Variants in VAV3 observed in about 807,000 individuals in gnomAD.
The protein encoded by VAV3 is vav guanine nucleotide exchange factor 3, also known as guanine nucleotide exchange factor VAV3.
VAV3 carries 94 observed loss-of-function variants against 131.2 expected under a neutral mutation model. The observed-to-expected ratio is 0.72, with a 90% CI of 0.61 to 0.85. VAV3 has a LOEUF of 0.85. Ranked by LOEUF, VAV3 falls within the 40% of genes least tolerant of loss-of-function variation. The pLI, the probability that VAV3 is intolerant of heterozygous loss-of-function variation, is 0.00. For synonymous variants in VAV3, 349 were observed against 342.0 expected, an observed-to-expected ratio of 1.02 and a Z score of -0.22; for missense variants, 939 against 1,002.7, an observed-to-expected ratio of 0.94 and a Z score of 0.86.
At chr1:107,660,925 C>G (rs1489039662) in intron 19 of VAV3, among the ~76,000 whole-genome samples, 1 of 151,902 alleles carries the variant, frequency 6.6e-6, no homozygotes, top group Non-Finnish European at 1.5e-5. Flanking sequence ...AGGGAAGGCA[C>G]AATGTTCAAA....
intron 4 of VAV3, among the ~76,000 whole-genome samples, chr1:107,773,961 C>A (rs1283866930): frequency 1.3e-5 from 2 of 152,128 alleles, no homozygotes; most frequent in Admixed American, 1.3e-4. Flanking sequence ...CCTAACATCA[C>A]CACCCCTGCA....
chr1:107,733,718 C>T (rs767795740), intron 15 of VAV3, among the ~76,000 whole-genome samples: 18 of 152,050 alleles, frequency 1.2e-4, no homozygotes, highest in Admixed American at 3.3e-4. Context: ...ACAAACAAAG[C>T]CTCCAAGAAA....
At chr1:107,641,463 C>T (rs1396928869) in intron 20 of VAV3, among the ~76,000 whole-genome samples, 2 of 152,096 alleles carry the variant, frequency 1.3e-5, no homozygotes, top group Admixed American at 6.6e-5. Context: ...ATATTTCTAA[C>T]ATACACATGA....
At chr1:107,872,325 A>G (rs976816956) in intron 2 of VAV3, among the ~76,000 whole-genome samples, 4 of 152,218 alleles carry the variant, frequency 2.6e-5, no homozygotes, top group African/African-American at 7.2e-5. Context: ...AGGTGCTGCT[A>G]TCATAATTAA....
chr1:107,600,414 TC>T (rs1434657772), intron 24 of VAV3, among the ~76,000 whole-genome samples: 1 of 152,236 alleles, frequency 6.6e-6, no homozygotes, highest in Non-Finnish European at 1.5e-5. Context: ...TTGCTAAAAT[TC>T]TTAGTCCCTT....
intron 2 of VAV3, among the ~76,000 whole-genome samples, chr1:107,849,462 A>G (rs1272505268): frequency 6.6e-6 from 1 of 152,044 alleles, no homozygotes; most frequent in Non-Finnish European, 1.5e-5. Context: ...AAACCTAACA[A>G]AAAAAAACAA....
chr1:107,943,294 G>A (rs1674087588), intron 1 of VAV3, among the ~76,000 whole-genome samples: 1 of 152,100 alleles, frequency 6.6e-6, no homozygotes, highest in African/African-American at 2.4e-5. Context: ...TTAGTCAGTT[G>A]AGGTTGGTCA....
intron 2 of VAV3, chr1:107,862,881 A>G (rs1400688116): frequency 6.6e-6 from 1 of 152,180 alleles, no homozygotes; most frequent in Non-Finnish European, 1.5e-5. Flanking sequence ...TAGAAATGAT[A>G]AACCCCAAAT....
intron 19 of VAV3, among the ~76,000 whole-genome samples, chr1:107,680,443 T>C (rs1658521924): frequency 6.6e-6 from 1 of 152,182 alleles, no homozygotes; most frequent in South Asian, 2.1e-4. Context: ...TTAAAGAACA[T>C]GCTCTAATAT....
At chr1:107,789,783 T>C (rs1015037372) in intron 2 of VAV3, among the ~76,000 whole-genome samples, 6 of 152,224 alleles carry the variant, frequency 3.9e-5, no homozygotes, top group African/African-American at 1.4e-4. Flanking sequence ...TAATTCAAGA[T>C]ACCTAGAATA....
chr1:107,766,565 C>T lies in VAV3; in HGVS notation c.718-15G>A. Reference sequence around the variant, plus strand: ...TTTACAAGTTCCTAAGAAAAGAAAACAATGTGAAAGGAAAGTAGGAATAAC... The same window carrying T: ...TTTACAAGTTCCTAAGAAAAGAAAATAATGTGAAAGGAAAGTAGGAATAAC... On this transcript the variant is annotated splice_polypyrimidine_tract_variant and intron_variant, in intron 7 of 26. Transcript: ENST00000370056. 1 of 1,601,958 alleles carries T rather than the reference C, an allele frequency of 6.2e-7. No individual in the cohort carries two copies.
chr1:107,867,497 T>C (rs1670050019), intron 2 of VAV3, among the ~76,000 whole-genome samples: 2 of 152,152 alleles, frequency 1.3e-5, no homozygotes, highest in Non-Finnish European at 2.9e-5. Flanking sequence ...GTGCTAATGA[T>C]CTGGGAATTG....
intron 2 of VAV3, among the ~76,000 whole-genome samples, chr1:107,827,469 G>A (rs184022226): frequency 1.3e-5 from 2 of 152,204 alleles, no homozygotes; most frequent in Admixed American, 6.6e-5. Context: ...ATTTATAACT[G>A]GCTGAAATAT....
chr1:107,646,107 A>AT (rs1019732722), intron 19 of VAV3, among the ~76,000 whole-genome samples: 22 of 152,068 alleles, frequency 1.4e-4, no homozygotes, highest in Non-Finnish European at 2.9e-4. Flanking sequence ...AAAAAACTCC[A>AT]TATTTTCCCT....
intron 15 of VAV3, among the ~76,000 whole-genome samples, chr1:107,735,384 AC>A (rs1319335940): frequency 6.6e-6 from 1 of 152,252 alleles, no homozygotes; most frequent in African/African-American, 2.4e-5. Context: ...AGATAGAGAC[AC>A]AAAAAACCCT....
intron 2 of VAV3, among the ~76,000 whole-genome samples, chr1:107,850,941 GC>G (rs1464571937): frequency 1.9e-4 from 29 of 152,034 alleles, no homozygotes; most frequent in African/African-American, 6.0e-4. Context: ...CCTTGGCATT[GC>G]CCTCCACAGC....
At chr1:107,829,919 T>A (rs1668174073) in intron 2 of VAV3, among the ~76,000 whole-genome samples, 1 of 152,168 alleles carries the variant, frequency 6.6e-6, no homozygotes, top group Non-Finnish European at 1.5e-5. Flanking sequence ...AGATAAGATA[T>A]CTGCTATTTT....
chr1:107,933,341 C>T (rs1443451653), intron 1 of VAV3, among the ~76,000 whole-genome samples: 1 of 151,618 alleles, frequency 6.6e-6, no homozygotes, highest in Non-Finnish European at 1.5e-5. Context: ...TGGTCCTCCT[C>T]TACCCTTTAT....
At chr1:107,583,990 T>C (rs1230176923) in intron 25 of VAV3, among the ~76,000 whole-genome samples, 3 of 152,144 alleles carry the variant, frequency 2.0e-5, no homozygotes, top group African/African-American at 7.2e-5. Context: ...GGCATCATGC[T>C]ACCTGACTTC....
Sources: gnomAD v4.1 joint callset for allele counts (sites outside exome capture counted in the v4.1 genomes callset) on GRCh38, gnomAD v4.1.1 for gene constraint, MANE v1.5 for transcripts, NCBI Gene and HGNC (gene_info 2026-07-23, HGNC 2026-07-21) for gene names.